Variants in KDM4B observed in about 807,000 individuals in gnomAD.
KDM4B encodes the protein lysine-specific demethylase 4B.
In KDM4B, 32 loss-of-function variants were observed where a neutral mutation model predicts 125.2. The ratio of observed to expected loss-of-function variants is 0.26; its 90% confidence interval spans 0.19 to 0.34. The LOEUF (loss-of-function observed/expected upper bound fraction) is 0.34, where lower values mean the gene tolerates loss of function less well. Ranked by LOEUF, KDM4B falls within the 10% of genes least tolerant of loss-of-function variation. The pLI, the probability that KDM4B is intolerant of heterozygous loss-of-function variation, is 1.00. For missense variants in KDM4B, 1,190 were observed against 1,577.7 expected (o/e 0.75, Z 4.16); for synonymous variants, 721 against 677.9 (o/e 1.06, Z -0.99).
intron 10 of KDM4B, chr19:5,118,974 G>A (rs1161128905): frequency 2.9e-5 from 18 of 615,680 alleles, no homozygotes; most frequent in Non-Finnish European, 4.3e-5. Context: ...GAGCAGCGGA[G>A]TGTGAGCTGG....
intron 1 of KDM4B, among the ~76,000 whole-genome samples, chr19:5,000,071 C>T (rs1460220300): frequency 7.1e-6 from 1 of 140,668 alleles, no homozygotes; most frequent in African/African-American, 2.7e-5. Flanking sequence ...TCCATCTATC[C>T]ACCTGTCCAC....
intron 6 of KDM4B, among the ~76,000 whole-genome samples, chr19:5,069,935 C>T (rs1400553046): frequency 6.6e-6 from 1 of 152,188 alleles, no homozygotes; most frequent in Non-Finnish European, 1.5e-5. Flanking sequence ...ACAAAGTGGC[C>T]TTTCAGCTGG....
chr19:5,118,563 G>A (rs1235305532), intron 10 of KDM4B, among the ~76,000 whole-genome samples: 1 of 152,184 alleles, frequency 6.6e-6, no homozygotes, highest in African/African-American at 2.4e-5. Flanking sequence ...CTGCACTCCC[G>A]GCTTCTGCCT....
chr19:5,071,805 G>A (rs913208896), intron 7 of KDM4B, among the ~76,000 whole-genome samples: 1 of 152,092 alleles, frequency 6.6e-6, no homozygotes, highest in Admixed American at 6.5e-5. Flanking sequence ...GCACAACAGG[G>A]GTGCAAGTTT....
In KDM4B at chr19:5,052,298, A is replaced by ATG. The variant is rs963321382; in HGVS notation, c.626+4640_626+4641dup. 4.9e-5 allele frequency among the ~76,000 whole-genome samples: 7 copies of ATG among 141,516 alleles called. No individual in the cohort carries two copies. In the South Asian group the frequency reaches 6.8e-4, roughly 14 times the overall value. The allele number at this position is 141,516 out of a possible 152,430, so 92.8% of individuals were successfully genotyped here. A position where few individuals can be genotyped will look rare whatever the true frequency, so the allele number is the denominator to read the frequency against. On this transcript the variant is annotated intron_variant, in intron 6 of 22. Coordinates refer to ENST00000159111, the MANE Select transcript of KDM4B (RefSeq NM_015015.3). ...TGGGTGTCCCTGGAGGTGTGCGTGCATGTGTGTGTGTGCATGGGCGCATGT... is the reference window on the plus strand; with the variant it reads ...TGGGTGTCCCTGGAGGTGTGCGTGCATGTGTGTGTGTGTGCATGGGCGCATGT...
intron 1 of KDM4B, among the ~76,000 whole-genome samples, chr19:5,009,555 G>T (rs937837920): frequency 6.6e-6 from 1 of 152,078 alleles, no homozygotes; most frequent in Non-Finnish European, 1.5e-5. Flanking sequence ...GTGGTTGTTT[G>T]GTTTGGTCTT....
intron 1 of KDM4B, among the ~76,000 whole-genome samples, chr19:5,001,757 C>T (rs2035394171): frequency 6.6e-6 from 1 of 152,182 alleles, no homozygotes; most frequent in South Asian, 2.1e-4. Flanking sequence ...TAAATACTTG[C>T]CAATCCCAGT....
At position 5,008,773 on chromosome 19, in the gene KDM4B, T is replaced by A. The variant is rs538611629; in HGVS notation, c.-108-7484T>A. Among the ~76,000 whole-genome samples, 271 of 150,924 alleles carry A rather than the reference T, an allele frequency of 1.8e-3. 1 individual carries two copies. Among genetic ancestry groups the A allele is most frequent in the African/African-American group, 4.8e-3 (198 of 41,140 alleles). ...ACTTGGCTAATTTTTTTTTTTTTTTTAATATTTTTAGTAGAGACAGGTTTT... is the reference window on the plus strand; with the variant it reads ...ACTTGGCTAATTTTTTTTTTTTTTTAAATATTTTTAGTAGAGACAGGTTTT... On this transcript the variant is annotated intron_variant, in intron 1 of 22. Coordinates refer to ENST00000159111, the MANE Select transcript of KDM4B (RefSeq NM_015015.3).
intron 1 of KDM4B, among the ~76,000 whole-genome samples, chr19:4,975,449 T>C (rs1345083274): frequency 6.6e-6 from 1 of 152,150 alleles, no homozygotes; most frequent in South Asian, 2.1e-4. Context: ...ACCTGTGGGT[T>C]GTAGTTTGCA....
intron 9 of KDM4B, among the ~76,000 whole-genome samples, chr19:5,108,913 GC>G: frequency 6.6e-6 from 1 of 152,228 alleles, no homozygotes; most frequent in East Asian, 1.9e-4. Context: ...CCGTGCCTCT[GC>G]CCCCCACGCC....
chr19:4,997,685 C>T lies in KDM4B; in HGVS notation c.-108-18572C>T, dbSNP rs536462439. ...GCACTCAGAGTCATCCCTGCCTCCT[C>T]GAGTTGGTGGGCTGGTCAGCCATGC... On this transcript the variant is annotated intron_variant, in intron 1 of 22. Coordinates refer to ENST00000159111, the MANE Select transcript of KDM4B (RefSeq NM_015015.3). The surrounding 1 kb of genome is among the most constrained non-coding windows in gnomAD (Gnocchi z 4.2). Among the ~76,000 whole-genome samples, 9 of 152,236 alleles carry T rather than the reference C, an allele frequency of 5.9e-5. No individual in the cohort carries two copies. The South Asian group carries it at 6.2e-4, about 11-fold the overall frequency.
chr19:4,990,859 G>A (rs1335845342), intron 1 of KDM4B, among the ~76,000 whole-genome samples: 1 of 151,986 alleles, frequency 6.6e-6, no homozygotes, highest in Non-Finnish European at 1.5e-5. Flanking sequence ...GATGGCTCAC[G>A]CCTATAATCC....
At chr19:5,069,101 C>A (rs1049704438) in intron 6 of KDM4B, among the ~76,000 whole-genome samples, 2 of 151,964 alleles carry the variant, frequency 1.3e-5, no homozygotes, top group Non-Finnish European at 2.9e-5. Flanking sequence ...ATCATAAAAG[C>A]CCATTTAAAA....
Position 5,078,910 on chromosome 19 carries a change from G to A in KDM4B, c.780+1440G>A, listed in dbSNP as rs112630906. 6,784 of 152,166 alleles carry A rather than the reference G, an allele frequency of 0.045. 200 individuals are homozygous for A. The highest frequency in any genetic ancestry group is 0.068 in the Non-Finnish European group (4,603 of 67,992). 9.4% of individuals were successfully genotyped at this position (152,166 alleles called of 1,614,324 possible). On this transcript the variant is annotated intron_variant, in intron 8 of 22. Transcript: ENST00000159111. The surrounding 1 kb of genome is among the most constrained non-coding windows in gnomAD (Gnocchi z 4.5). ...TTCTCCAGAGGCTGCCACAGTGAAG[G>A]CCCCTGTCCCACTGCAGCGAACAGC...
At chr19:5,064,429 C>T (rs1160161967) in intron 6 of KDM4B, among the ~76,000 whole-genome samples, 1 of 145,504 alleles carries the variant, frequency 6.9e-6, no homozygotes, top group Non-Finnish European at 1.5e-5. Context: ...GGCTCTTGGT[C>T]GGACCTCTGC....
intron 9 of KDM4B, among the ~76,000 whole-genome samples, chr19:5,096,982 A>C (rs1367008294): frequency 6.6e-6 from 1 of 152,172 alleles, no homozygotes; most frequent in Non-Finnish European, 1.5e-5. Context: ...GGTGGCTTCC[A>C]CCAGAATCGA....
At chr19:4,970,133 G>A (rs2034203043) in intron 1 of KDM4B, among the ~76,000 whole-genome samples, 1 of 152,178 alleles carries the variant, frequency 6.6e-6, no homozygotes, top group South Asian at 2.1e-4. Flanking sequence ...GCGCTCAGTG[G>A]TGGCCATGAC....
intron 1 of KDM4B, among the ~76,000 whole-genome samples, chr19:5,003,971 G>C (rs1369683758): frequency 6.6e-6 from 1 of 152,186 alleles, no homozygotes; most frequent in African/African-American, 2.4e-5. Context: ...GCTTGAGAAT[G>C]CTGTCTCCTG....
At chr19:5,068,078 A>G (rs1470838154) in intron 6 of KDM4B, among the ~76,000 whole-genome samples, 1 of 150,652 alleles carries the variant, frequency 6.6e-6, no homozygotes, top group African/African-American at 2.4e-5. Flanking sequence ...TCCAAACCAA[A>G]TAGCTGCTTT....
Sources: gnomAD v4.1 joint callset for allele counts (sites outside exome capture counted in the v4.1 genomes callset) on GRCh38, gnomAD v4.1.1 for gene constraint, Gnocchi (gnomAD v3.1) non-coding constraint, MANE v1.5 for transcripts, NCBI Gene and HGNC (gene_info 2026-07-23, HGNC 2026-07-21) for gene names.